FNBP1: variants seen among roughly 807,000 people sequenced by gnomAD.
FNBP1 encodes formin binding protein 1, also known as formin-binding protein 1.
A neutral mutation model predicts 90.6 loss-of-function variants in FNBP1; 26 were observed. The observed-to-expected ratio is 0.29, with a 90% CI of 0.21 to 0.40. The LOEUF is 0.40. FNBP1 is among the 10% of genes least tolerant of loss of function. The pLI, the probability that FNBP1 is intolerant of heterozygous loss-of-function variation, is 1.00. For missense variants in FNBP1, 635 were observed against 768.0 expected (o/e 0.83, Z 2.05); for synonymous variants, 260 against 265.2 (o/e 0.98, Z 0.19).
intron 1 of FNBP1, among the ~76,000 whole-genome samples, chr9:130,008,143 G>A (rs768218305): frequency 1.1e-4 from 16 of 149,648 alleles, no homozygotes; most frequent in Non-Finnish European, 1.6e-4. Context: ...CCAGGAGTTC[G>A]AGACCAGCCT....
rs1263132272 is a variant in FNBP1 at position 129,889,559 on chromosome 9, G to C, written c.*980C>G. ...CACTCCAGTCTGAACAATAGAGCGA[G>C]ACTCCCGTCTCAAAAAAAAAAAAAA... On this transcript the variant is annotated 3_prime_UTR_variant, in exon 17 of 17. Transcript: ENST00000446176. 5.1e-6 allele frequency: 1 copy of C among 196,014 alleles called. No homozygotes were observed. The highest frequency in any genetic ancestry group is 1.0e-5 in the Non-Finnish European group (1 of 97,728). 12.1% of individuals were successfully genotyped at this position (196,014 alleles called of 1,614,324 possible). A position where few individuals can be genotyped will look rare whatever the true frequency, so the allele number is the denominator to read the frequency against.
chr9:129,965,700 G>A (rs10819580), intron 4 of FNBP1, among the ~76,000 whole-genome samples: 7 of 93,606 alleles, frequency 7.5e-5, no homozygotes, highest in African/African-American at 8.7e-5. Flanking sequence ...ACACACACGC[G>A]CGCGCGCGCA....
At chr9:129,953,555 T>C (rs2046485641) in intron 6 of FNBP1, among the ~76,000 whole-genome samples, 1 of 151,966 alleles carries the variant, frequency 6.6e-6, no homozygotes, top group Non-Finnish European at 1.5e-5. Flanking sequence ...TGTCATACAT[T>C]TGGAAATTTA....
chr9:130,033,627 A>G (rs956360364), intron 1 of FNBP1, among the ~76,000 whole-genome samples: 1 of 150,176 alleles, frequency 6.7e-6, no homozygotes, highest in South Asian at 2.1e-4. Context: ...ACTTGAGGTC[A>G]AAAGTTCAAG....
intron 1 of FNBP1, among the ~76,000 whole-genome samples, chr9:130,040,661 C>A (rs1040757056): frequency 4.0e-5 from 6 of 151,592 alleles, no homozygotes; most frequent in African/African-American, 1.5e-4. Context: ...TTTAAAAACT[C>A]CTCATTGCCA....
chr9:130,009,757 G>T (rs146852980), intron 1 of FNBP1, among the ~76,000 whole-genome samples: 1 of 152,086 alleles, frequency 6.6e-6, no homozygotes, highest in Non-Finnish European at 1.5e-5. Flanking sequence ...AGCCGAGATC[G>T]TGCCACTGCA....
intron 1 of FNBP1, among the ~76,000 whole-genome samples, chr9:130,007,790 T>C (rs1259351588): frequency 6.6e-6 from 1 of 152,070 alleles, no homozygotes; most frequent in Admixed American, 6.6e-5. Context: ...CCCAGGTGGC[T>C]GGATCACCTG....
intron 2 of FNBP1, among the ~76,000 whole-genome samples, chr9:129,986,398 A>T (rs1021818582): frequency 1.3e-5 from 2 of 152,170 alleles, no homozygotes; most frequent in African/African-American, 2.4e-5. Flanking sequence ...GGACTAAAAT[A>T]TACCACTATA....
At chr9:130,007,868 T>G (rs2055996954) in intron 1 of FNBP1, among the ~76,000 whole-genome samples, 1 of 151,400 alleles carries the variant, frequency 6.6e-6, no homozygotes, top group South Asian at 2.1e-4. Flanking sequence ...ATACAAAAAT[T>G]AGCTGGGTAT....
At chr9:129,926,929 GA>G (rs1420284317) in intron 8 of FNBP1, among the ~76,000 whole-genome samples, 3 of 150,422 alleles carry the variant, frequency 2.0e-5, no homozygotes, top group Admixed American at 1.3e-4. Flanking sequence ...AAAAGAGAAA[GA>G]AACCCTGCCT....
intron 1 of FNBP1, among the ~76,000 whole-genome samples, chr9:130,036,268 T>C (rs182562084): frequency 2.0e-5 from 3 of 152,304 alleles, no homozygotes; most frequent in Admixed American, 1.3e-4. Context: ...GTATGAGTAA[T>C]ACTTGCAGGA....
chr9:129,958,494 T>G lies in FNBP1; in HGVS notation c.405A>C (p.Glu135Asp). Residue 135 changes from glutamate (E) to aspartate (D), a missense_variant, in exon 5 of 17, where the codon GAA (glutamate) becomes GAC (aspartate). By Grantham distance (45) the Glu-to-Asp change is conservative (BLOSUM62 2). Transcript: ENST00000446176. ...TTGCTGTGCATTGTTCACTTACAGA[T>G]TCAAGCTGCTTCCAGCAAGTCTCGA... ...QHIETCWKQL[E>D]SSKRRFERDC... 6.3e-7 allele frequency: 1 copy of G among 1,593,784 alleles called. No individual in the cohort carries two copies. The highest frequency in any genetic ancestry group is 1.3e-5 in the African/African-American group (1 of 74,764).
At chr9:129,981,944 T>C (rs917669379) in intron 2 of FNBP1, among the ~76,000 whole-genome samples, 1 of 152,226 alleles carries the variant, frequency 6.6e-6, no homozygotes, top group Non-Finnish European at 1.5e-5. Flanking sequence ...CATGTTGGCA[T>C]ACACGTCAAC....
At chr9:129,958,671 C>A in intron 4 of FNBP1, 118 bp from the exon 5 acceptor site, 1 of 788,728 alleles carries the variant, frequency 1.3e-6, no homozygotes. Flanking sequence ...TATGTATGCT[C>A]CAAAGAAATT....
At chr9:130,014,643 A>T (rs1424320322) in intron 1 of FNBP1, among the ~76,000 whole-genome samples, 3 of 152,064 alleles carry the variant, frequency 2.0e-5, no homozygotes, top group Admixed American at 1.3e-4. Context: ...ACATATTTTC[A>T]TACATTCTTT....
Position 129,900,587 on chromosome 9 carries a change from T to A in FNBP1, c.1429-40A>T, listed in dbSNP as rs1358944324. On this transcript the variant is annotated intron_variant, in intron 13 of 16. Coordinates refer to ENST00000446176, the MANE Select transcript of FNBP1 (RefSeq NM_015033.3). This position sits in a 1 kb window ranked among gnomAD's most constrained non-coding sequence, Gnocchi z 4.1. Reference sequence around the variant, plus strand: ...AATGAGAGACTCCAACCTAAGGCCATCTGAGGGTCAGCCCAGAGTGTCCTA... The same window carrying A: ...AATGAGAGACTCCAACCTAAGGCCAACTGAGGGTCAGCCCAGAGTGTCCTA... The A allele has an allele frequency of 1.4e-6, 2 of 1,467,866 alleles. No homozygotes were observed. Among genetic ancestry groups the A allele is most frequent in the Non-Finnish European group, 9.0e-7 (1 of 1,111,632 alleles). The allele number at this position is 1,467,866 out of a possible 1,614,324, so 90.9% of individuals were successfully genotyped here.
At chr9:129,898,498 C>CTT (rs995837799) in intron 15 of FNBP1, among the ~76,000 whole-genome samples, 1 of 146,406 alleles carries the variant, frequency 6.8e-6, no homozygotes. Context: ...AAACTGCCTG[C>CTT]TTTTTTTTTT....
At chr9:130,006,256 A>C (rs1423066984) in intron 1 of FNBP1, among the ~76,000 whole-genome samples, 1 of 152,190 alleles carries the variant, frequency 6.6e-6, no homozygotes, top group Non-Finnish European at 1.5e-5. Flanking sequence ...CAGCCTGGCC[A>C]ATATGGTGAA....
At chr9:129,977,828 G>T (rs2050579517) in intron 4 of FNBP1, among the ~76,000 whole-genome samples, 1 of 151,798 alleles carries the variant, frequency 6.6e-6, no homozygotes, top group Non-Finnish European at 1.5e-5. Flanking sequence ...ATTCCACAGA[G>T]CATACACCAT....
Sources: allele counts gnomAD v4.1 joint callset (sites outside exome capture counted in the v4.1 genomes callset), GRCh38; gene constraint gnomAD v4.1.1; non-coding constraint Gnocchi (gnomAD v3.1); transcripts MANE v1.5; gene names NCBI Gene and HGNC (gene_info 2026-07-23, HGNC 2026-07-21).